The following SYNE2 variants were observed in gnomAD, a reference collection of about 807,000 sequenced individuals.
SYNE2 encodes the protein nesprin-2.
In SYNE2, 431 loss-of-function variants were observed where a neutral mutation model predicts 856.3. The ratio of observed to expected loss-of-function variants is 0.50; its 90% confidence interval spans 0.47 to 0.55. The LOEUF (loss-of-function observed/expected upper bound fraction) is 0.55. Ranked by LOEUF, SYNE2 falls within the 20% of genes least tolerant of loss-of-function variation. The pLI is 0.00. For synonymous variants in SYNE2, 2,923 were observed against 2,872.3 expected (o/e 1.02, Z -0.56); for missense variants, 8,129 against 8,023.2 (o/e 1.01, Z -0.50).
At chr14:64,030,219 C>T (rs2153544334) in intron 44 of SYNE2, among the ~76,000 whole-genome samples, 160 bp downstream of exon 44, 1 of 152,338 alleles carries the variant, frequency 6.6e-6, no homozygotes, top group South Asian at 2.1e-4. Context: ...GAATGTCCTT[C>T]TTTAGTGGAC....
chr14:63,788,062 C>A (rs981406269), intron 1 of SYNE2, among the ~76,000 whole-genome samples: 3 of 152,208 alleles, frequency 2.0e-5, no homozygotes, highest in Non-Finnish European at 4.4e-5. Context: ...CTGGAGGCAG[C>A]AGAGGCGGCA....
At chr14:64,091,229 T>C (rs745382672) in intron 60 of SYNE2, among the ~76,000 whole-genome samples, 181 bp downstream of exon 60, 2 of 152,212 alleles carry the variant, frequency 1.3e-5, no homozygotes, top group African/African-American at 4.8e-5. Flanking sequence ...TCTTATCCTT[T>C]AAGACATTAA....
At chr14:63,878,916 G>A (rs1404492336) in intron 1 of SYNE2, among the ~76,000 whole-genome samples, 1 of 152,222 alleles carries the variant, frequency 6.6e-6, no homozygotes. Flanking sequence ...TCTGTCTGAA[G>A]CCATTAAATG....
intron 1 of SYNE2, among the ~76,000 whole-genome samples, chr14:63,832,617 G>C (rs1889710556): frequency 6.6e-6 from 1 of 152,026 alleles, no homozygotes; most frequent in Non-Finnish European, 1.5e-5. Context: ...CTACCTCTCT[G>C]TTTTACAGTG....
intron 34 of SYNE2, 24 bp downstream of exon 34, chr14:64,017,780 G>A (rs2096904599): frequency 1.2e-6 from 2 of 1,609,608 alleles, no homozygotes; most frequent in East Asian, 4.5e-5. Flanking sequence ...TAAAATACAT[G>A]CTTTTCTTGG....
At chr14:64,014,020 T>G (rs1396710911) in intron 32 of SYNE2, among the ~76,000 whole-genome samples, 1 of 152,070 alleles carries the variant, frequency 6.6e-6, no homozygotes, top group African/African-American at 2.4e-5. Flanking sequence ...CTCCCACCCC[T>G]TCTAATCCCA....
At position 64,100,526 on chromosome 14, in the gene SYNE2, AAAAAAATATATATATAT is replaced by A. The variant is rs1237683504; in HGVS notation, c.12382-1404_12382-1388del. On this transcript the variant is annotated intron_variant, in intron 63 of 115. Coordinates refer to ENST00000555002, the MANE Select transcript of SYNE2 (RefSeq NM_182914.3). ...AGCAAAACTGTCTCAAAAAAAAAAA[AAAAAAATATATATATAT>A]ATATATATATATATATATATATATA... Among the ~76,000 whole-genome samples the A allele has an allele frequency of 1.9e-3, 142 of 76,302 alleles. 4 individuals are homozygous for A. The highest frequency in any genetic ancestry group is 3.9e-3 in the African/African-American group (55 of 14,272). 50.1% of individuals were successfully genotyped at this position (76,302 alleles called of 152,430 possible). A position where few individuals can be genotyped will look rare whatever the true frequency, so the allele number is the denominator to read the frequency against.
intron 28 of SYNE2, 115 bp from the exon 29 acceptor site, chr14:64,001,819 T>C: frequency 8.8e-7 from 1 of 1,139,866 alleles, no homozygotes; most frequent in Non-Finnish European, 1.3e-6. Flanking sequence ...TATCATTGTA[T>C]GTCTGTTTAT....
chr14:64,128,997 A>T (rs2097981186), intron 74 of SYNE2, among the ~76,000 whole-genome samples: 1 of 152,250 alleles, frequency 6.6e-6, no homozygotes, highest in South Asian at 2.1e-4. Context: ...TCCTAAGGAT[A>T]TAAGACAAGT....
intron 78 of SYNE2, among the ~76,000 whole-genome samples, chr14:64,134,607 T>C (rs2098064822): frequency 6.6e-6 from 1 of 152,312 alleles, no homozygotes; most frequent in East Asian, 1.9e-4. Context: ...ATATATTTCG[T>C]TTTATTCCTA....
chr14:64,031,295 C>CA lies in SYNE2; in HGVS notation c.7160dup (p.Glu2388GlyfsTer35). ...AGAGAAGCAGGCCACTTCTGATGTG[C>CA]AGGAGTCTACTCAGGAATCAGCTGC... On this transcript the variant is annotated frameshift_variant, in exon 45 of 116. Transcript: ENST00000555002. LOFTEE classifies it high-confidence loss of function. The CA allele has an allele frequency of 1.9e-6, 3 of 1,614,110 alleles. No homozygotes were observed. The highest frequency in any genetic ancestry group is 2.5e-6 in the Non-Finnish European group (3 of 1,180,022).
At chr14:64,084,771 T>C (rs1424624100) in intron 57 of SYNE2, 1 of 518,998 alleles carries the variant, frequency 1.9e-6, no homozygotes, top group East Asian at 2.9e-5. Context: ...ACAGTTTCTG[T>C]GGGTCAGGAG....
At position 63,978,705 on chromosome 14, in the gene SYNE2, TA is replaced by T; in HGVS notation, c.1407-141del. 3 of 642,296 alleles carry T rather than the reference TA, an allele frequency of 4.7e-6. No homozygotes were observed. In the South Asian group the frequency reaches 5.8e-5, roughly 12 times the overall value. The allele number at this position is 642,296 out of a possible 1,614,324, so 39.8% of individuals were successfully genotyped here. A position where few individuals can be genotyped will look rare whatever the true frequency, so the allele number is the denominator to read the frequency against. ...GTCACAGTATTCGTTTTACAATGTTTAAAAAAGAAAAAGACAATGATACATC... is the reference window on the plus strand; with the variant it reads ...GTCACAGTATTCGTTTTACAATGTTTAAAAAGAAAAAGACAATGATACATC... On this transcript the variant is annotated intron_variant, in intron 13 of 115. Coordinates refer to ENST00000555002, the MANE Select transcript of SYNE2 (RefSeq NM_182914.3).
At chr14:63,957,618 C>T (rs978015323) in intron 8 of SYNE2, among the ~76,000 whole-genome samples, 1 of 151,992 alleles carries the variant, frequency 6.6e-6, no homozygotes, top group South Asian at 2.1e-4. Context: ...GCTCATGCCC[C>T]AGCACTTTGG....
intron 45 of SYNE2, among the ~76,000 whole-genome samples, chr14:64,037,557 C>T (rs903205367): frequency 1.0e-3 from 110 of 107,916 alleles, no homozygotes; most frequent in Admixed American, 7.2e-3. Flanking sequence ...GGCAACCATC[C>T]GATTTCTCAA....
intron 70 of SYNE2, among the ~76,000 whole-genome samples, chr14:64,123,054 G>T (rs577165779): frequency 1.3e-5 from 2 of 151,362 alleles, no homozygotes; most frequent in South Asian, 4.2e-4. Context: ...AGCTGAGATC[G>T]CGCCATTGCA....
chr14:64,180,266 T>G (rs1463928583), intron 96 of SYNE2, among the ~76,000 whole-genome samples: 1 of 152,228 alleles, frequency 6.6e-6, no homozygotes, highest in African/African-American at 2.4e-5. Context: ...TCAGGTGTGA[T>G]GTATACCCAC....
At chr14:63,804,344 GCTGTGCAGAAGCT>G (rs1220764005) in intron 1 of SYNE2, among the ~76,000 whole-genome samples, 1 of 151,570 alleles carries the variant, frequency 6.6e-6, no homozygotes, top group African/African-American at 2.4e-5. Context: ...AGTTTCTTTT[GCTGTGCAGAAGCT>G]CTTTAGTTTA....
At chr14:63,882,087 C>T (rs928420224) in intron 1 of SYNE2, among the ~76,000 whole-genome samples, 15 of 152,010 alleles carry the variant, frequency 9.9e-5, no homozygotes, top group African/African-American at 3.4e-4. Flanking sequence ...CAGGTGGAGC[C>T]GTAGATCCTT....
Sources: allele counts gnomAD v4.1 joint callset (sites outside exome capture counted in the v4.1 genomes callset), GRCh38; gene constraint gnomAD v4.1.1; transcripts MANE v1.5; gene names NCBI Gene and HGNC (gene_info 2026-07-23, HGNC 2026-07-21).